RFX1: variants seen among roughly 807,000 people sequenced by gnomAD.
RFX1 encodes regulatory factor X1.
In RFX1, 42 loss-of-function variants were observed where a neutral mutation model predicts 119.6. The ratio of observed to expected loss-of-function variants is 0.35; its 90% CI spans 0.27 to 0.45. RFX1 has a LOEUF of 0.45. Ranked by LOEUF, RFX1 falls within the 20% of genes least tolerant of loss-of-function variation. RFX1 has a pLI of 1.00. For missense variants in RFX1, 1,118 were observed against 1,368.1 expected, an observed-to-expected ratio of 0.82 and a Z score of 2.88; for synonymous variants, 628 against 618.5, an observed-to-expected ratio of 1.02 and a Z score of -0.23.
Position 13,972,789 on chromosome 19 carries a change from C to T in RFX1, c.1268G>A (p.Ser423Asn). 3 of 1,608,184 alleles carry T rather than the reference C, an allele frequency of 1.9e-6. No individual in the cohort carries two copies. The highest frequency in any genetic ancestry group is 2.5e-6 in the Non-Finnish European group (3 of 1,177,704). The change falls in exon 9 of 21, where the codon AGT becomes AAT. Residue 423 changes from serine to asparagine, a missense_variant. Physicochemically the swap from Ser to Asn is conservative, Grantham distance 46. Around this residue, in one of 5 missense-constraint regions of RFX1, gnomAD observed 542 missense variants for 602.7 expected, o/e 0.90. Transcript: ENST00000254325. The part of the protein sequence containing the change: ...YVIQGGYMLG[S>N]ASQSYSHTTR... Reference sequence around the variant, plus strand: ...GGTGTGAGAGTAAGACTGGCTGGCACTGCCCAGCATGTAGCCGCCTTGGAT... The same window carrying T: ...GGTGTGAGAGTAAGACTGGCTGGCATTGCCCAGCATGTAGCCGCCTTGGAT...
At chr19:13,994,138 A>G (rs1162404279) in intron 1 of RFX1, among the ~76,000 whole-genome samples, 1 of 152,020 alleles carries the variant, frequency 6.6e-6, no homozygotes, top group East Asian at 1.9e-4. Flanking sequence ...ACTCACCCCA[A>G]GCCAGGACTC....
At chr19:14,003,754 A>T (rs1324813902) in intron 1 of RFX1, among the ~76,000 whole-genome samples, 2 of 152,200 alleles carry the variant, frequency 1.3e-5, no homozygotes, top group Admixed American at 6.5e-5. Context: ...CTAAGAGCAC[A>T]CAGCTAGAAA....
Position 13,970,118 on chromosome 19 carries a change from T to C in RFX1, c.1372A>G (p.Thr458Ala). Reference protein sequence around the residue: ...TAEGVSLPRSTLYCHYLLHCQ... With the variant: ...TAEGVSLPRSALYCHYLLHCQ... ...TGCAGTAAGTAGTGGCAGTAGAGGG[T>C]GCTCCGTGGCAGACTCACGCCCTCA... Residue 458 changes from threonine (T) to alanine (A), a missense_variant, in exon 10 of 21, where the codon ACC (threonine) becomes GCC (alanine). Around this residue, in one of 5 missense-constraint regions of RFX1, gnomAD observed 338 missense variants for 508.9 expected, o/e 0.66. Transcript: ENST00000254325. The C allele has an allele frequency of 6.2e-7, 1 of 1,613,746 alleles. No individual in the cohort carries two copies. The highest frequency in any genetic ancestry group is 8.5e-7 in the Non-Finnish European group (1 of 1,179,938).
chr19:13,963,849 C>T lies in RFX1; in HGVS notation c.2361+9G>A, dbSNP rs1973803802. On this transcript the variant is annotated intron_variant, in intron 17 of 20. Transcript: ENST00000254325. ...CTCATTCGCCCGCCCCGCCCCGCCC[C>T]GCGCTCACCTGCACGTTGGCGAAGT... 6.5e-7 allele frequency: 1 copy of T among 1,536,696 alleles called. No individual in the cohort carries two copies. The highest frequency in any genetic ancestry group is 8.8e-7 in the Non-Finnish European group (1 of 1,142,834).
In RFX1 at chr19:13,993,826, A is replaced by G. The variant is rs753616125; in HGVS notation, c.18T>C (p.Tyr6=). ...GTGGCGGGGCTGCCTGTAGCTCAGT[A>G]TACGCCTGTGTTGCCATGCCAACGG... MATQA[Y]TELQAAPPPS... is the part of the protein sequence containing the mutation. Residue 6 remains tyrosine (Y), a synonymous_variant, in exon 2 of 21, where the codon TAT becomes TAC. Transcript: ENST00000254325. 11 of 1,582,586 alleles carry G rather than the reference A, an allele frequency of 7.0e-6. No individual in the cohort carries two copies. Among genetic ancestry groups the G allele is most frequent in the Admixed American group, 5.6e-5 (3 of 53,804 alleles).
At position 13,964,144 on chromosome 19, in the gene RFX1, G is replaced by T. The variant is rs1176801796; in HGVS notation, c.2212-137C>A. ...GGGATGTGCCTCGCTACTTTTGTTG[G>T]GACACAGAAGGATCGGGACCTTCAA... On this transcript the variant is annotated intron_variant, in intron 16 of 20. Transcript: ENST00000254325. 4.3e-6 allele frequency: 4 copies of T among 935,664 alleles called. No homozygotes were observed. In the African/African-American group the frequency reaches 6.8e-5, roughly 16 times the overall value. The allele number at this position is 935,664 out of a possible 1,614,324, so 58.0% of individuals were successfully genotyped here.
chr19:13,997,038 A>C (rs1351256001), intron 1 of RFX1, among the ~76,000 whole-genome samples: 1 of 151,592 alleles, frequency 6.6e-6, no homozygotes, highest in Admixed American at 6.6e-5. Flanking sequence ...TTTGCTTCTT[A>C]AAGTAAGTAC....
Position 13,980,764 on chromosome 19 carries a change from C to T in RFX1, c.622-75G>A. ...CTCTGAGGTGGGCTCACACACACAC[C>T]CTTCTCAGGAGAGCTGTCTGGGGAG... On this transcript the variant is annotated intron_variant, in intron 5 of 20. Coordinates refer to ENST00000254325, the MANE Select transcript of RFX1 (RefSeq NM_002918.5). The surrounding 1 kb of genome is among the most constrained non-coding windows in gnomAD (Gnocchi z 5.1). The T allele has an allele frequency of 4.9e-6, 1 of 204,202 alleles. No homozygotes were observed. The highest frequency in any genetic ancestry group is 8.2e-5 in the Admixed American group (1 of 12,144). The allele number at this position is 204,202 out of a possible 1,614,324, so 12.6% of individuals were successfully genotyped here. A position where few individuals can be genotyped will look rare whatever the true frequency, so the allele number is the denominator to read the frequency against.
Position 13,985,138 on chromosome 19 carries a change from C to A in RFX1, c.320-1543G>T, listed in dbSNP as rs112309911. ...CCATCTCCCGAAGTGCCGGAATTAC[C>A]GGCGTGAGCCACTGTGCCTGGCTGA... On this transcript the variant is annotated intron_variant, in intron 2 of 20. Transcript: ENST00000254325. The surrounding 1 kb of genome is among the most constrained non-coding windows in gnomAD (Gnocchi z 4.3). Among the ~76,000 whole-genome samples the A allele has an allele frequency of 9.2e-3, 1,401 of 151,980 alleles. 24 individuals carry two copies. The highest frequency in any genetic ancestry group is 0.032 in the African/African-American group (1,318 of 41,412).
chr19:13,997,886 G>A (rs7256574), intron 1 of RFX1, among the ~76,000 whole-genome samples: 2,213 of 152,204 alleles, frequency 0.015, 61 homozygotes, highest in African/African-American at 0.05. Context: ...GAGGGAAAAG[G>A]CTGCTGCCTG....
At position 13,969,751 on chromosome 19, in the gene RFX1, G is replaced by A; in HGVS notation, c.1496+243C>T. On this transcript the variant is annotated intron_variant, in intron 10 of 20. Transcript: ENST00000254325. The surrounding 1 kb of genome is among the most constrained non-coding windows in gnomAD (Gnocchi z 4.5). ...GGGTGTCGGGCAGGGGAGAGGGGGAGGCTGCAGTTTTAGTTGAGGCAGTCA... is the reference window on the plus strand; with the variant it reads ...GGGTGTCGGGCAGGGGAGAGGGGGAAGCTGCAGTTTTAGTTGAGGCAGTCA... The A allele has an allele frequency of 2.2e-6, 1 of 449,090 alleles. No individual in the cohort carries two copies. Among genetic ancestry groups the A allele is most frequent in the Non-Finnish European group, 3.9e-6 (1 of 254,234 alleles). The allele number at this position is 449,090 out of a possible 1,614,324, so 27.8% of individuals were successfully genotyped here.
Position 13,968,725 on chromosome 19 carries a change from G to T in RFX1, c.1617-45C>A. 6.2e-7 allele frequency: 1 copy of T among 1,609,470 alleles called. No individual in the cohort carries two copies. The highest frequency in any genetic ancestry group is 8.5e-7 in the Non-Finnish European group (1 of 1,178,422). On this transcript the variant is annotated intron_variant, in intron 11 of 20. Coordinates refer to ENST00000254325, the MANE Select transcript of RFX1 (RefSeq NM_002918.5). This position sits in a 1 kb window ranked among gnomAD's most constrained non-coding sequence, Gnocchi z 5.5. ...TGGGCCGGCTGCTGGGGGCCGGCCTGTGTGCCCTTCCCCGCCTGCCCTGCC... is the reference window on the plus strand; with the variant it reads ...TGGGCCGGCTGCTGGGGGCCGGCCTTTGTGCCCTTCCCCGCCTGCCCTGCC...
Position 13,980,658 on chromosome 19 carries a change from C to T in RFX1, c.653G>A (p.Ser218Asn). The T allele has an allele frequency of 6.3e-7, 1 of 1,593,038 alleles. No homozygotes were observed. The change falls in exon 6 of 21, where the codon AGC becomes AAC. Residue 218 changes from serine to asparagine, a missense_variant. By Grantham distance (46) the Ser-to-Asn change is conservative. Coordinates refer to ENST00000254325, the MANE Select transcript of RFX1 (RefSeq NM_002918.5). The surrounding 1 kb of genome is among the most constrained non-coding windows in gnomAD (Gnocchi z 5.1). Reference sequence around the variant, plus strand: ...GCCCGTGGGGGCCCCGGCTGTCTTGCTGGAAGAGCTGTTGGCCTGCACCGG... The same window carrying T: ...GCCCGTGGGGGCCCCGGCTGTCTTGTTGGAAGAGCTGTTGGCCTGCACCGG... ...QSPVQANSSS[S>N]KTAGAPTGTV...
intron 8 of RFX1, among the ~76,000 whole-genome samples, chr19:13,976,284 CAGA>C (rs919421042): frequency 2.0e-5 from 3 of 152,228 alleles, no homozygotes; most frequent in Admixed American, 6.5e-5. Flanking sequence ...GCATTGTCCC[CAGA>C]AGAACAAGTG....
intron 8 of RFX1, among the ~76,000 whole-genome samples, chr19:13,977,716 CTTTT>C (rs921939703): frequency 1.5e-5 from 2 of 135,872 alleles, no homozygotes; most frequent in African/African-American, 2.7e-5. Context: ...CGTGCCTGGC[CTTTT>C]TTTTTTTTTT....
At chr19:14,002,239 C>A (rs1236800018) in intron 1 of RFX1, among the ~76,000 whole-genome samples, 2 of 150,122 alleles carry the variant, frequency 1.3e-5, no homozygotes, top group South Asian at 2.1e-4. Context: ...TGCTTGAACC[C>A]AGGAGGTGGA....
chr19:13,984,788 G>T (rs1161160046), intron 2 of RFX1, among the ~76,000 whole-genome samples: 1 of 152,230 alleles, frequency 6.6e-6, no homozygotes, highest in Non-Finnish European at 1.5e-5. Flanking sequence ...CGGGCAAGGA[G>T]TTATCACTGC....
intron 1 of RFX1, among the ~76,000 whole-genome samples, chr19:13,994,868 G>A (rs898110919): frequency 3.5e-4 from 37 of 106,398 alleles, no homozygotes; most frequent in South Asian, 1.5e-3. Context: ...TATATATATT[G>A]TATATGTATA....
rs1317762657 is a variant in RFX1 at position 13,968,643 on chromosome 19, C to T, written c.1654G>A (p.Gly552Ser). 1.9e-6 allele frequency: 3 copies of T among 1,613,222 alleles called. No individual in the cohort carries two copies. Among genetic ancestry groups the T allele is most frequent in the Non-Finnish European group, 2.5e-6 (3 of 1,179,962 alleles). ...CTCGGCTGCTGCCCCACCGCCACGC[C>T]GTTGGTCATGCCTTCCATCTTCTGG... ...PIQKMEGMTNGVAVGQQPSTG... is the reference protein window; with the variant it reads ...PIQKMEGMTNSVAVGQQPSTG... Residue 552 changes from glycine to serine, a missense_variant, in exon 12 of 21, where the codon GGC (glycine) becomes AGC (serine). By Grantham distance (56) the Gly-to-Ser change is moderately conservative (BLOSUM62 0). This residue lies in a region of RFX1 where 338 missense variants were observed against 508.9 expected (regional missense o/e 0.66). Transcript: ENST00000254325. The surrounding 1 kb of genome is among the most constrained non-coding windows in gnomAD (Gnocchi z 5.5).
Sources: allele counts gnomAD v4.1 joint callset (sites outside exome capture counted in the v4.1 genomes callset), GRCh38; gene constraint gnomAD v4.1.1; regional missense constraint gnomAD v4.1.1; non-coding constraint Gnocchi (gnomAD v3.1); transcripts MANE v1.5; gene names NCBI Gene and HGNC (gene_info 2026-07-23, HGNC 2026-07-21).